The following SLC41A2 variants were observed in gnomAD, a reference collection of about 807,000 sequenced individuals.
SLC41A2 encodes the protein solute carrier family 41 member 2.
Under a neutral mutation model 58.3 loss-of-function variants are expected in SLC41A2, and 32 were observed. That is an observed-to-expected ratio of 0.55 (90% CI 0.41 to 0.74). The LOEUF is 0.74. SLC41A2 is among the 30% of genes least tolerant of loss of function. The probability of loss-of-function intolerance (pLI) is 0.00; values close to 1 mark genes in which losing one functional copy is unlikely to be tolerated. For missense variants in SLC41A2, 514 were observed against 680.6 expected, an observed-to-expected ratio of 0.76 and a Z score of 2.72; for synonymous variants, 190 against 235.0, an observed-to-expected ratio of 0.81 and a Z score of 1.75.
chr12:104,926,416 C>T (rs763718732), intron 2 of SLC41A2, among the ~76,000 whole-genome samples: 9 of 151,878 alleles, frequency 5.9e-5, no homozygotes, highest in Non-Finnish European at 1.3e-4. Flanking sequence ...GCCTAACCAA[C>T]ATCTCTACTA....
chr12:104,888,016 A>G (rs1302133028), intron 5 of SLC41A2, among the ~76,000 whole-genome samples: 1 of 152,134 alleles, frequency 6.6e-6, no homozygotes, highest in East Asian at 1.9e-4. Context: ...ATTTTAAATG[A>G]CACTTTCTAA....
At chr12:104,927,888 G>T in intron 2 of SLC41A2, 85 bp downstream of exon 2, 1 of 1,190,740 alleles carries the variant, frequency 8.4e-7, no homozygotes, top group Non-Finnish European at 1.1e-6. Context: ...GTGAATGTTT[G>T]AGAGTAGTAA....
At chr12:104,824,371 C>G (rs2041760664) in intron 10 of SLC41A2, among the ~76,000 whole-genome samples, 1 of 152,082 alleles carries the variant, frequency 6.6e-6, no homozygotes, top group African/African-American at 2.4e-5. Context: ...AGCATGCAAG[C>G]AGGCCATCCA....
intron 10 of SLC41A2, among the ~76,000 whole-genome samples, chr12:104,834,873 G>C (rs1035762241): frequency 1.3e-5 from 2 of 151,990 alleles, no homozygotes; most frequent in Non-Finnish European, 2.9e-5. Flanking sequence ...AGTTATCCTG[G>C]GATTCCAATT....
chr12:104,935,373 A>G (rs1287723257), intron 1 of SLC41A2, among the ~76,000 whole-genome samples: 2 of 139,978 alleles, frequency 1.4e-5, no homozygotes, highest in Non-Finnish European at 3.1e-5. Flanking sequence ...ACCACAAAAA[A>G]AAGTCAGTGA....
intron 10 of SLC41A2, among the ~76,000 whole-genome samples, chr12:104,832,663 C>A (rs1013079522): frequency 2.0e-5 from 3 of 151,988 alleles, no homozygotes; most frequent in African/African-American, 7.2e-5. Flanking sequence ...TTTCTCTTGG[C>A]CAACCTAAAC....
At chr12:104,838,949 G>C (rs1235095515) in intron 10 of SLC41A2, among the ~76,000 whole-genome samples, 1 of 152,106 alleles carries the variant, frequency 6.6e-6, no homozygotes, top group African/African-American at 2.4e-5. Flanking sequence ...TTTATGTATT[G>C]AGAATTTGTT....
At chr12:104,904,949 C>T (rs923230849) in intron 3 of SLC41A2, among the ~76,000 whole-genome samples, 2 of 152,156 alleles carry the variant, frequency 1.3e-5, no homozygotes, top group African/African-American at 4.8e-5. Context: ...GTTACCAATG[C>T]TGGCTCGGGT....
At chr12:104,897,270 C>A (rs538258099) in intron 3 of SLC41A2, among the ~76,000 whole-genome samples, 2 of 151,788 alleles carry the variant, frequency 1.3e-5, no homozygotes, top group Admixed American at 1.3e-4. Context: ...CTCAGCCTCC[C>A]AAGTAGCTGT....
intron 6 of SLC41A2, among the ~76,000 whole-genome samples, chr12:104,883,825 G>A (rs1025115008): frequency 8.5e-5 from 13 of 152,306 alleles, no homozygotes; most frequent in East Asian, 3.9e-4. Context: ...CAGTCTGTCC[G>A]TTCTCAGATC....
intron 2 of SLC41A2, among the ~76,000 whole-genome samples, chr12:104,927,216 C>T (rs945652770): frequency 6.6e-6 from 1 of 151,976 alleles, no homozygotes; most frequent in Non-Finnish European, 1.5e-5. Context: ...AATTCATACC[C>T]TAATATCCAA....
rs1170376633 is a variant in SLC41A2, at chr12:104,844,552, T to C, written c.1456A>G (p.Thr486Ala). ...VIPGHLIFLY[T>A]IHLMKSGHTS... is the part of the protein sequence containing the mutation. ...TGACCACTTTTCATCAAATGAATAG[T>C]GTAGAGGAAAATTAAATGTCCAGGA... is the stretch of plus-strand genomic sequence containing the variant. Residue 486 changes from threonine (T) to alanine (A), a missense_variant, in exon 10 of 11, where the codon ACT becomes GCT. Coordinates refer to ENST00000258538, the MANE Select transcript of SLC41A2 (RefSeq NM_001352171.3). 1 of 1,574,778 alleles carries C rather than the reference T, an allele frequency of 6.4e-7. No individual in the cohort carries two copies.
At chr12:104,861,792 T>A (rs867554617) in intron 7 of SLC41A2, among the ~76,000 whole-genome samples, 5 of 152,176 alleles carry the variant, frequency 3.3e-5, no homozygotes, top group African/African-American at 1.2e-4. Context: ...AAAAATAATT[T>A]AAAAAAGAGT....
chr12:104,891,370 A>G (rs2044958071), intron 4 of SLC41A2, among the ~76,000 whole-genome samples: 1 of 152,070 alleles, frequency 6.6e-6, no homozygotes, highest in Non-Finnish European at 1.5e-5. Context: ...GGAAAAATGA[A>G]AAGCTGAGAT....
intron 8 of SLC41A2, among the ~76,000 whole-genome samples, chr12:104,852,576 A>G (rs760708621): frequency 2.6e-4 from 39 of 152,216 alleles, no homozygotes; most frequent in Non-Finnish European, 3.5e-4. Flanking sequence ...TCTTATAAAT[A>G]AACAGTTTAT....
chr12:104,845,957 C>T lies in SLC41A2; in HGVS notation c.1273G>A (p.Val425Met). The T allele has an allele frequency of 6.2e-7, 1 of 1,613,072 alleles. No homozygotes were observed. The highest frequency in any genetic ancestry group is 8.5e-7 in the Non-Finnish European group (1 of 1,179,420). ...PVINGIGGNLVAIQASRISTY... is the reference protein window; with the variant it reads ...PVINGIGGNLMAIQASRISTY... Reference sequence around the variant, plus strand: ...GAAATCCTGCTAGCCTGAATGGCCACCAAATTACCACCAATACCTGAAACA... The same window carrying T: ...GAAATCCTGCTAGCCTGAATGGCCATCAAATTACCACCAATACCTGAAACA... The change falls in exon 9 of 11, where the codon GTG becomes ATG. Residue 425 changes from valine to methionine, a missense_variant. Physicochemically the swap from Val to Met is conservative, Grantham distance 21. Coordinates refer to ENST00000258538, the MANE Select transcript of SLC41A2 (RefSeq NM_001352171.3).
intron 10 of SLC41A2, among the ~76,000 whole-genome samples, chr12:104,821,344 T>C (rs904003567): frequency 6.6e-6 from 1 of 152,176 alleles, no homozygotes; most frequent in Non-Finnish European, 1.5e-5. Flanking sequence ...TAAGATCTTC[T>C]TTACAAAATA....
At chr12:104,873,216 T>A (rs1257474027) in intron 6 of SLC41A2, among the ~76,000 whole-genome samples, 3 of 152,124 alleles carry the variant, frequency 2.0e-5, no homozygotes, top group Non-Finnish European at 4.4e-5. Flanking sequence ...ACTACCATTC[T>A]ACTCTTCGTT....
chr12:104,942,191 A>G (rs1012842141), intron 1 of SLC41A2, among the ~76,000 whole-genome samples: 6 of 152,120 alleles, frequency 3.9e-5, no homozygotes, highest in African/African-American at 1.4e-4. Flanking sequence ...CTTACAATTG[A>G]CATGTGGCTG....
Sources: allele counts gnomAD v4.1 joint callset (sites outside exome capture counted in the v4.1 genomes callset), GRCh38; gene constraint gnomAD v4.1.1; transcripts MANE v1.5; gene names NCBI Gene and HGNC (gene_info 2026-07-23, HGNC 2026-07-21).